Variants in TMEM200A observed in about 807,000 individuals in gnomAD.
TMEM200A encodes the protein transmembrane protein 200A, also known as two transmembrane C.
A neutral mutation model predicts 24.3 loss-of-function variants in TMEM200A; 12 were observed. The observed-to-expected ratio is 0.49, with a 90% CI of 0.32 to 0.80. The LOEUF (loss-of-function observed/expected upper bound fraction) is 0.80. Among genes scored for constraint, TMEM200A ranks in the 30% least tolerant of loss-of-function variants. The pLI, the probability that TMEM200A is intolerant of heterozygous loss-of-function variation, is 0.04. For missense variants in TMEM200A, 545 were observed against 614.4 expected, an observed-to-expected ratio of 0.89 and a Z score of 1.19; for synonymous variants, 224 against 224.4, an observed-to-expected ratio of 1.00 and a Z score of 0.02.
chr6:130,415,946 T>G (rs937151195), intron 2 of TMEM200A, among the ~76,000 whole-genome samples: 1 of 152,192 alleles, frequency 6.6e-6, no homozygotes, highest in African/African-American at 2.4e-5. Context: ...ATACCAAATA[T>G]TTTCTAAATA....
At chr6:130,382,115 G>T in intron 1 of TMEM200A, 1 of 288,114 alleles carries the variant, frequency 3.5e-6, no homozygotes, top group Non-Finnish European at 5.2e-6. Context: ...GAGGATTAGA[G>T]CATTACTACC....
chr6:130,414,197 T>A (rs1779396026), intron 2 of TMEM200A, among the ~76,000 whole-genome samples: 1 of 152,102 alleles, frequency 6.6e-6, no homozygotes, highest in South Asian at 2.1e-4. Context: ...TTTAGGAGCC[T>A]GAAGTGTGTG....
chr6:130,400,305 G>A (rs1192269144), intron 2 of TMEM200A, among the ~76,000 whole-genome samples: 1 of 152,010 alleles, frequency 6.6e-6, no homozygotes, highest in South Asian at 2.1e-4. Context: ...TCTACTTTTA[G>A]TTCTTGAAGG....
In TMEM200A at chr6:130,441,499, C is replaced by T; in HGVS notation, c.1077C>T (p.Tyr359=). ...NSIGESLSSQ[Y]KSSMALGPGA... ...TTGGGGAGTCGTTGTCGAGTCAGTA[C>T]AAGTCATCTATGGCTCTCGGACCTG... is the stretch of plus-strand genomic sequence containing the variant. Residue 359 remains tyrosine, a synonymous_variant, in exon 3 of 3, where the codon TAC becomes TAT. Transcript: ENST00000296978. 1 of 1,614,046 alleles carries T rather than the reference C, an allele frequency of 6.2e-7. No individual in the cohort carries two copies. Among genetic ancestry groups the T allele is most frequent in the South Asian group, 1.1e-5 (1 of 91,070 alleles).
rs1780232486 is a variant in TMEM200A at position 130,442,904 on chromosome 6, C to A, written c.*1006C>A. ...TTCATATGCCACTATCTCGGTAGTT[C>A]AAAAAAATTTAGTTCTTGATAAATT... is the stretch of plus-strand genomic sequence containing the variant. On this transcript the variant is annotated 3_prime_UTR_variant, in exon 3 of 3. Coordinates refer to ENST00000296978, the MANE Select transcript of TMEM200A (RefSeq NM_001258277.2). 1 of 164,958 alleles carries A rather than the reference C, an allele frequency of 6.1e-6. No homozygotes were observed. Among genetic ancestry groups the A allele is most frequent in the African/African-American group, 2.4e-5 (1 of 41,298 alleles). 10.2% of individuals were successfully genotyped at this position (164,958 alleles called of 1,614,324 possible).
At position 130,443,011 on chromosome 6, in the gene TMEM200A, T is replaced by G. The variant is rs1023086367; in HGVS notation, c.*1113T>G. 3.0e-5 allele frequency: 5 copies of G among 167,080 alleles called. No homozygotes were observed. In the East Asian group the frequency reaches 9.6e-4, roughly 32 times the overall value. 10.3% of individuals were successfully genotyped at this position (167,080 alleles called of 1,614,324 possible). Reference sequence around the variant, plus strand: ...CGGTATAATACATGTTGTTTAGGATTGTGTTTCTTAGTCACTGAAGATAAT... The same window carrying G: ...CGGTATAATACATGTTGTTTAGGATGGTGTTTCTTAGTCACTGAAGATAAT... On this transcript the variant is annotated 3_prime_UTR_variant, in exon 3 of 3. Transcript: ENST00000296978.
chr6:130,405,804 T>A (rs1779191303), intron 2 of TMEM200A, among the ~76,000 whole-genome samples: 1 of 152,182 alleles, frequency 6.6e-6, no homozygotes, highest in South Asian at 2.1e-4. Flanking sequence ...GACCCACTGC[T>A]AGCTTGCGGT....
chr6:130,390,008 A>C (rs1334505887), intron 2 of TMEM200A, among the ~76,000 whole-genome samples: 3 of 152,222 alleles, frequency 2.0e-5, no homozygotes. Flanking sequence ...TTCATTAGGC[A>C]CTTGTCGAGA....
At chr6:130,400,815 G>C (rs975462611) in intron 2 of TMEM200A, among the ~76,000 whole-genome samples, 2 of 151,994 alleles carry the variant, frequency 1.3e-5, no homozygotes, top group African/African-American at 4.8e-5. Flanking sequence ...ATAATTGACT[G>C]TCCGGGGCAC....
rs1411416408 is a variant in TMEM200A, at chr6:130,441,097, C to T, written c.675C>T (p.Ser225=). The T allele has an allele frequency of 1.9e-6, 3 of 1,613,858 alleles. No homozygotes were observed. The highest frequency in any genetic ancestry group is 2.2e-5 in the East Asian group (1 of 44,798). The change falls in exon 3 of 3, where the codon TCC becomes TCT. Residue 225 remains serine (S), a synonymous_variant. Transcript: ENST00000296978. ...GFRSSFRMDS[S]VEEDELMLNE... ...GGAGCAGTTTTCGAATGGACAGCTC[C>T]GTGGAGGAGGATGAACTTATGTTAA...
rs1778147317 is a variant in TMEM200A, at chr6:130,366,407, C to T, written c.-198C>T. ...GAGATTCCCGCTGACGCCCCCGACC[C>T]TGCCGCCTTCTTCGTCCGCCTCCAG... On this transcript the variant is annotated 5_prime_UTR_variant, in exon 1 of 3. Coordinates refer to ENST00000296978, the MANE Select transcript of TMEM200A (RefSeq NM_001258277.2). The surrounding 1 kb of genome is among the most constrained non-coding windows in gnomAD (Gnocchi z 4.4). 10 of 985,466 alleles carry T rather than the reference C, an allele frequency of 1.0e-5. No homozygotes were observed. Among genetic ancestry groups the T allele is most frequent in the Non-Finnish European group, 1.2e-5 (10 of 830,050 alleles). 61.0% of individuals were successfully genotyped at this position (985,466 alleles called of 1,614,324 possible). A position where few individuals can be genotyped will look rare whatever the true frequency, so the allele number is the denominator to read the frequency against.
chr6:130,409,848 T>G (rs1265512981), intron 2 of TMEM200A, among the ~76,000 whole-genome samples: 2 of 152,096 alleles, frequency 1.3e-5, no homozygotes, highest in Admixed American at 1.3e-4. Flanking sequence ...CAGTTTTTTT[T>G]TTTTAATGAA....
At chr6:130,380,780 C>A (rs1778577847) in intron 1 of TMEM200A, among the ~76,000 whole-genome samples, 1 of 152,114 alleles carries the variant, frequency 6.6e-6, no homozygotes, top group African/African-American at 2.4e-5. Context: ...TTTTATGTTT[C>A]TCTAATCTAC....
intron 2 of TMEM200A, among the ~76,000 whole-genome samples, chr6:130,434,728 A>T (rs1779959796): frequency 6.6e-6 from 1 of 152,186 alleles, no homozygotes; most frequent in Non-Finnish European, 1.5e-5. Context: ...ACAAAGCAGA[A>T]ATCTTCTCTT....
intron 2 of TMEM200A, among the ~76,000 whole-genome samples, chr6:130,413,049 C>T (rs1353099187): frequency 6.6e-6 from 1 of 152,002 alleles, no homozygotes; most frequent in African/African-American, 2.4e-5. Context: ...ATTTTGTGTC[C>T]AAAGTAATTC....
intron 1 of TMEM200A, among the ~76,000 whole-genome samples, chr6:130,379,728 C>G (rs1395439420): frequency 6.6e-6 from 1 of 152,140 alleles, no homozygotes; most frequent in African/African-American, 2.4e-5. Context: ...TGTGAGACAT[C>G]TTAGGGGAAA....
chr6:130,388,134 C>T (rs182457476), intron 2 of TMEM200A, among the ~76,000 whole-genome samples: 1 of 152,048 alleles, frequency 6.6e-6, no homozygotes, highest in Admixed American at 6.6e-5. Flanking sequence ...ATTCCTGCAT[C>T]GGTTTTAGAA....
chr6:130,432,289 A>G (rs1779895902), intron 2 of TMEM200A, among the ~76,000 whole-genome samples: 1 of 152,246 alleles, frequency 6.6e-6, no homozygotes, highest in Non-Finnish European at 1.5e-5. Flanking sequence ...TAAAAACATC[A>G]GATGAACGGG....
At chr6:130,403,722 A>G (rs1212409696) in intron 2 of TMEM200A, among the ~76,000 whole-genome samples, 1 of 152,050 alleles carries the variant, frequency 6.6e-6, no homozygotes, top group African/African-American at 2.4e-5. Context: ...CTTATTACCT[A>G]GATAAACTTG....
Sources: gnomAD v4.1 joint callset for allele counts (sites outside exome capture counted in the v4.1 genomes callset) on GRCh38, gnomAD v4.1.1 for gene constraint, Gnocchi (gnomAD v3.1) non-coding constraint, MANE v1.5 for transcripts, NCBI Gene and HGNC (gene_info 2026-07-23, HGNC 2026-07-21) for gene names.